TAOK2: variants seen among roughly 807,000 people sequenced by gnomAD.
TAOK2 encodes the protein serine/threonine-protein kinase TAO2.
In TAOK2, 42 loss-of-function variants were observed where a neutral mutation model predicts 122.5. That is an observed-to-expected ratio of 0.34 (90% CI 0.27 to 0.44). The LOEUF (loss-of-function observed/expected upper bound fraction) is 0.44, where lower values mean the gene tolerates loss of function less well. Ranked by LOEUF, TAOK2 falls within the 20% of genes least tolerant of loss-of-function variation. TAOK2 has a pLI of 1.00. For synonymous variants in TAOK2, 704 were observed against 677.6 expected, an observed-to-expected ratio of 1.04 and a Z score of -0.61; for missense variants, 1,264 against 1,644.9, an observed-to-expected ratio of 0.77 and a Z score of 4.01.
chr16:29,977,955 C>T (rs757288174), intron 2 of TAOK2, 51 bp downstream of exon 2: 2 of 1,613,282 alleles, frequency 1.2e-6, no homozygotes, highest in Non-Finnish European at 1.7e-6. Context: ...CTTCCTATCC[C>T]TGTGGACTTC....
downstream of TAOK2, chr16:29,989,804 C>T (rs2069924647): frequency 4.3e-6 from 7 of 1,613,112 alleles, no homozygotes; most frequent in South Asian, 1.1e-5. Flanking sequence ...AGCTCACAGG[C>T]GGTGAGGCCT....
chr16:29,984,221 G>A (rs1259557852), intron 13 of TAOK2, among the ~76,000 whole-genome samples: 1 of 152,246 alleles, frequency 6.6e-6, no homozygotes, highest in Non-Finnish European at 1.5e-5. Flanking sequence ...GCCCCCCTGG[G>A]AGGGGAAGGG....
At chr16:29,990,524 C>T, downstream of TAOK2, 1 of 318,446 alleles carries the variant, frequency 3.1e-6, no homozygotes, top group Non-Finnish European at 5.7e-6. Flanking sequence ...TAACCCATCC[C>T]TTATTGGTGG....
intron 8 of TAOK2, chr16:29,981,074 T>G (rs1265820903): frequency 1.3e-5 from 2 of 156,872 alleles, no homozygotes; most frequent in African/African-American, 2.4e-5. Context: ...GACATTTGTC[T>G]GGGCTACAAG....
chr16:29,991,006 G>A, downstream of TAOK2: 1 of 1,589,392 alleles, frequency 6.3e-7, no homozygotes, highest in Non-Finnish European at 8.6e-7. This position sits in a 1 kb window ranked among gnomAD's most constrained non-coding sequence, Gnocchi z 5.6. Context: ...GGGAGGGTGG[G>A]CTCCTGCCCC....
At chr16:29,976,026 G>A (rs978559912) in intron 1 of TAOK2, among the ~76,000 whole-genome samples, 1 of 152,188 alleles carries the variant, frequency 6.6e-6, no homozygotes, top group Non-Finnish European at 1.5e-5. Context: ...CGTTTTGGAA[G>A]GTGGTTATGA....
Position 29,988,355 on chromosome 16 carries a change from AAAG to A in TAOK2, c.*378_*380del, listed in dbSNP as rs1567252596. ...ACCTGTCCCCTTCCCCCCACCAAAA[AAAG>A]AAAAAGACAAACACAAATAAAATAT... On this transcript the variant is annotated 3_prime_UTR_variant, in exon 16 of 16. Coordinates refer to ENST00000308893, the MANE Select transcript of TAOK2 (RefSeq NM_016151.4). 2.2e-6 allele frequency: 3 copies of A among 1,359,728 alleles called. No individual in the cohort carries two copies. Among genetic ancestry groups the A allele is most frequent in the African/African-American group, 1.5e-5 (1 of 68,376 alleles). 84.2% of individuals were successfully genotyped at this position (1,359,728 alleles called of 1,614,324 possible). A position where few individuals can be genotyped will look rare whatever the true frequency, so the allele number is the denominator to read the frequency against.
downstream of TAOK2, chr16:29,990,948 G>C (rs1308652466): frequency 6.2e-7 from 1 of 1,612,480 alleles, no homozygotes; most frequent in East Asian, 2.2e-5. Flanking sequence ...CGCTGCGGCG[G>C]GCACTGCTGG....
chr16:29,991,596 G>A, downstream of TAOK2: 2 of 1,449,980 alleles, frequency 1.4e-6, no homozygotes, highest in Non-Finnish European at 1.8e-6. This position sits in a 1 kb window ranked among gnomAD's most constrained non-coding sequence, Gnocchi z 5.6. Flanking sequence ...CAGATGAGCT[G>A]GGCAGGGCAG....
At chr16:29,991,353 C>A (rs757819156), downstream of TAOK2, 9 of 1,594,124 alleles carry the variant, frequency 5.6e-6, no homozygotes, top group East Asian at 2.2e-5. The surrounding 1 kb of genome is among the most constrained non-coding windows in gnomAD (Gnocchi z 5.6). Flanking sequence ...CCCAGGCCCC[C>A]CAAACTGGCT....
chr16:29,983,058 C>T lies in TAOK2; in HGVS notation c.1000-14C>T, dbSNP rs201373925. 42 of 1,613,584 alleles carry T rather than the reference C, an allele frequency of 2.6e-5. No homozygotes were observed. Among genetic ancestry groups the T allele is most frequent in the Non-Finnish European group, 3.1e-5 (37 of 1,179,972 alleles). ...TTCCCCTTCCCTGTCCAGCAGCCTA[C>T]GCCCTGTTCGCAGGAGGCCGAGCCC... On this transcript the variant is annotated splice_polypyrimidine_tract_variant and intron_variant, in intron 11 of 15. Transcript: ENST00000308893.
rs57354182 is a variant in TAOK2, at chr16:29,981,765, A to G, written c.749+11A>G. On this transcript the variant is annotated intron_variant, in intron 9 of 15. Transcript: ENST00000308893. ...CCAGTCAGGACACTGGTGAGGACTG[A>G]GATTCCGAATCTGGGCCCAGGCGTT... is the stretch of plus-strand genomic sequence containing the variant. The G allele has an allele frequency of 9.4e-3, 15,103 of 1,613,886 alleles. 1,283 individuals carry two copies. In the African/African-American group the frequency reaches 0.18, roughly 19 times the overall value.
chr16:29,977,718 G>C lies in TAOK2; in HGVS notation c.-35-20G>C. The C allele has an allele frequency of 6.2e-7, 1 of 1,602,752 alleles. No homozygotes were observed. Among genetic ancestry groups the C allele is most frequent in the Non-Finnish European group, 8.5e-7 (1 of 1,176,132 alleles). Reference sequence around the variant, plus strand: ...AAGGCTCAATCCTTGATCTCTAAGGGTCCCATTTCCATTCCTCAGGCCAGG... The same window carrying C: ...AAGGCTCAATCCTTGATCTCTAAGGCTCCCATTTCCATTCCTCAGGCCAGG... On this transcript the variant is annotated intron_variant, in intron 1 of 15. Coordinates refer to ENST00000308893, the MANE Select transcript of TAOK2 (RefSeq NM_016151.4).
Position 29,979,017 on chromosome 16 carries a change from C to T in TAOK2, c.396C>T (p.Thr132=), listed in dbSNP as rs149481071. ...PLQEVEIAAV[T]HGALQGLAYL... is the part of the protein sequence containing the mutation. ...AGGAGGTAGAGATCGCAGCTGTGAC[C>T]CACGGGGCGCTTCAGGGCCTGGCAT... Residue 132 remains threonine (T), a synonymous_variant, in exon 6 of 16, where the codon ACC becomes ACT. Transcript: ENST00000308893. This position sits in a 1 kb window ranked among gnomAD's most constrained non-coding sequence, Gnocchi z 4.1. The T allele has an allele frequency of 2.0e-5, 33 of 1,614,000 alleles. No individual in the cohort carries two copies. Among genetic ancestry groups the T allele is most frequent in the Non-Finnish European group, 2.8e-5 (33 of 1,180,032 alleles).
chr16:29,989,500 A>C (rs1391999421), downstream of TAOK2: 21 of 1,556,502 alleles, frequency 1.3e-5, no homozygotes, highest in African/African-American at 4.3e-5. Context: ...TCTTCTCCCC[A>C]TTTCCCCTGG....
chr16:29,981,111 C>G (rs1294521280), intron 8 of TAOK2: 2 of 165,860 alleles, frequency 1.2e-5, no homozygotes, highest in Non-Finnish European at 2.6e-5. Flanking sequence ...TTAGCTTGCA[C>G]TTACCTTTCT....
At chr16:29,982,490 C>T (rs1006901084) in intron 10 of TAOK2, among the ~76,000 whole-genome samples, 1 of 152,210 alleles carries the variant, frequency 6.6e-6, no homozygotes, top group African/African-American at 2.4e-5. Flanking sequence ...AGGAGCTGGA[C>T]GAGAATCCAG....
downstream of TAOK2, chr16:29,988,518 C>T (rs2069887693): frequency 8.5e-7 from 1 of 1,179,580 alleles, no homozygotes; most frequent in Non-Finnish European, 1.1e-6. Flanking sequence ...TATCTCAGCC[C>T]CCTCACTCCT....
At chr16:29,989,065 C>A (rs892368817), downstream of TAOK2, 34 of 985,454 alleles carry the variant, frequency 3.5e-5, no homozygotes, top group Non-Finnish European at 4.1e-5. Flanking sequence ...CCTCCCTGAG[C>A]TGCTGGACCT....
Sources: gnomAD v4.1 joint callset for allele counts (sites outside exome capture counted in the v4.1 genomes callset) on GRCh38, gnomAD v4.1.1 for gene constraint, Gnocchi (gnomAD v3.1) non-coding constraint, MANE v1.5 for transcripts, NCBI Gene and HGNC (gene_info 2026-07-23, HGNC 2026-07-21) for gene names.